NEGR1: variants seen among roughly 807,000 people sequenced by gnomAD.
NEGR1 encodes the protein neuronal growth regulator 1.
Under a neutral mutation model 40.9 loss-of-function variants are expected in NEGR1, and 10 were observed. The ratio of observed to expected loss-of-function variants is 0.24; its 90% CI spans 0.15 to 0.42. The LOEUF is 0.42. Ranked by LOEUF, NEGR1 falls within the 10% of genes least tolerant of loss-of-function variation. NEGR1 has a pLI of 1.00. For missense variants in NEGR1, 352 were observed against 438.9 expected, an observed-to-expected ratio of 0.80 and a Z score of 1.77; for synonymous variants, 185 against 166.8, an observed-to-expected ratio of 1.11 and a Z score of -0.84.
At chr1:72,185,067 G>A (rs1652562064) in intron 1 of NEGR1, among the ~76,000 whole-genome samples, 1 of 151,890 alleles carries the variant, frequency 6.6e-6, no homozygotes, top group Admixed American at 6.6e-5. Flanking sequence ...AAAGATGAGA[G>A]ACAATGAGCA....
chr1:71,456,351 T>C (rs1646672938), intron 6 of NEGR1, among the ~76,000 whole-genome samples: 1 of 152,202 alleles, frequency 6.6e-6, no homozygotes, highest in Non-Finnish European at 1.5e-5. Context: ...CAAGCAATTC[T>C]CTTGCCTCAA....
chr1:72,003,246 T>C (rs1013946343), intron 1 of NEGR1, among the ~76,000 whole-genome samples: 9 of 151,724 alleles, frequency 5.9e-5, no homozygotes, highest in East Asian at 1.9e-4. Context: ...GGCTTGACAA[T>C]CTAGAGGCCG....
intron 2 of NEGR1, among the ~76,000 whole-genome samples, chr1:71,827,688 A>C (rs142738421): frequency 0.015 from 2,320 of 152,064 alleles, 54 homozygotes; most frequent in South Asian, 0.1. Context: ...CTAGATAAAG[A>C]CAAGAATGGG....
At chr1:71,717,650 A>G (rs918213357) in intron 3 of NEGR1, among the ~76,000 whole-genome samples, 1 of 152,212 alleles carries the variant, frequency 6.6e-6, no homozygotes, top group Admixed American at 6.5e-5. Context: ...TTGAGTAACA[A>G]TGCTTTAGAT....
chr1:71,556,512 CTGG>C (rs965706283), intron 6 of NEGR1, among the ~76,000 whole-genome samples: 5 of 151,474 alleles, frequency 3.3e-5, no homozygotes, highest in African/African-American at 9.7e-5. Context: ...TGTATATATC[CTGG>C]TGCACACATT....
intron 1 of NEGR1, among the ~76,000 whole-genome samples, chr1:71,985,515 T>C (rs1183339004): frequency 1.3e-5 from 2 of 152,128 alleles, no homozygotes; most frequent in Admixed American, 6.5e-5. Flanking sequence ...TCAATTGGGA[T>C]TTGAATGTGG....
At chr1:71,928,467 T>TATATATGTATATATACACAC (rs1463109318) in intron 2 of NEGR1, among the ~76,000 whole-genome samples, 15 of 89,088 alleles carry the variant, frequency 1.7e-4, no homozygotes, top group African/African-American at 5.5e-4. Flanking sequence ...CACACATACT[T>TATATATGTATATATACACAC]ATATATACAC....
chr1:72,233,608 C>A (rs1340658181), intron 1 of NEGR1, among the ~76,000 whole-genome samples: 2 of 152,110 alleles, frequency 1.3e-5, no homozygotes, highest in Non-Finnish European at 2.9e-5. Flanking sequence ...AAGTATGTTG[C>A]TGCGAAGGAC....
At chr1:71,618,537 C>T (rs182337052) in intron 4 of NEGR1, among the ~76,000 whole-genome samples, 4 of 152,170 alleles carry the variant, frequency 2.6e-5, no homozygotes, top group East Asian at 3.9e-4. Flanking sequence ...CAACACACTT[C>T]GGGTGCCACT....
intron 3 of NEGR1, among the ~76,000 whole-genome samples, chr1:71,763,764 TG>T (rs2101703168): frequency 6.6e-6 from 1 of 151,830 alleles, no homozygotes; most frequent in South Asian, 2.1e-4. Context: ...TGTGTGTGTG[TG>T]TGTGTGTCTG....
chr1:72,148,245 T>C (rs1650984613), intron 1 of NEGR1, among the ~76,000 whole-genome samples: 1 of 151,956 alleles, frequency 6.6e-6, no homozygotes, highest in African/African-American at 2.4e-5. Flanking sequence ...TAGACGGAGG[T>C]TCCCAAACCT....
chr1:72,062,843 G>T (rs1037416921), intron 1 of NEGR1, among the ~76,000 whole-genome samples: 6 of 151,908 alleles, frequency 3.9e-5, no homozygotes, highest in Non-Finnish European at 8.8e-5. Context: ...ACCAGGGACT[G>T]CCCACATGGC....
chr1:72,106,675 A>G (rs1277148330), intron 1 of NEGR1, among the ~76,000 whole-genome samples: 1 of 152,022 alleles, frequency 6.6e-6, no homozygotes, highest in Non-Finnish European at 1.5e-5. Flanking sequence ...AAGGAAGACA[A>G]TACATCTAGA....
At chr1:72,227,880 C>T (rs1654243463) in intron 1 of NEGR1, among the ~76,000 whole-genome samples, 2 of 152,026 alleles carry the variant, frequency 1.3e-5, no homozygotes, top group African/African-American at 4.8e-5. Context: ...AACACTGGAG[C>T]CAGACTGCCT....
At chr1:71,823,524 G>A (rs1658508664) in intron 2 of NEGR1, among the ~76,000 whole-genome samples, 1 of 151,946 alleles carries the variant, frequency 6.6e-6, no homozygotes, top group Non-Finnish European at 1.5e-5. Flanking sequence ...GATCCTTGCT[G>A]CCAAAACTGA....
At chr1:72,012,405 C>T (rs1329804150) in intron 1 of NEGR1, among the ~76,000 whole-genome samples, 1 of 152,016 alleles carries the variant, frequency 6.6e-6, no homozygotes, top group Non-Finnish European at 1.5e-5. Flanking sequence ...CACAGGACCT[C>T]CCTTGCTACG....
chr1:71,630,797 G>A (rs1570127752), intron 4 of NEGR1, among the ~76,000 whole-genome samples: 1 of 151,926 alleles, frequency 6.6e-6, no homozygotes, highest in East Asian at 1.9e-4. Flanking sequence ...AGATTCTACT[G>A]GCATTCATTT....
chr1:72,078,479 A>T (rs1250165913), intron 1 of NEGR1, among the ~76,000 whole-genome samples: 1 of 151,994 alleles, frequency 6.6e-6, no homozygotes, highest in Non-Finnish European at 1.5e-5. Context: ...ACTTTTATGA[A>T]TCTATTTTTG....
At chr1:71,830,500 G>T (rs1407453990) in intron 2 of NEGR1, among the ~76,000 whole-genome samples, 1 of 151,530 alleles carries the variant, frequency 6.6e-6, no homozygotes, top group Non-Finnish European at 1.5e-5. Flanking sequence ...CCTACAAATG[G>T]TACCTTGTTG....
Sources: gnomAD v4.1 joint callset for allele counts (sites outside exome capture counted in the v4.1 genomes callset) on GRCh38, gnomAD v4.1.1 for gene constraint, MANE v1.5 for transcripts, NCBI Gene and HGNC (gene_info 2026-07-23, HGNC 2026-07-21) for gene names.